The following MAN2C1 variants were observed in gnomAD, a reference collection of about 807,000 sequenced individuals.
MAN2C1 encodes the protein alpha-mannosidase 2C1.
MAN2C1 carries 111 observed loss-of-function variants against 126.9 expected under a neutral mutation model. The observed-to-expected ratio is 0.87, with a 90% confidence interval of 0.75 to 1.02. The LOEUF is 1.02. Among genes scored for constraint, MAN2C1 ranks in the 50% least tolerant of loss-of-function variants. The pLI, the probability that MAN2C1 is intolerant of heterozygous loss-of-function variation, is 0.00. For missense variants in MAN2C1, 1,363 were observed against 1,364.4 expected (o/e 1.00, Z 0.02); for synonymous variants, 567 against 561.5 (o/e 1.01, Z -0.14).
At position 75,356,383 on chromosome 15, in the gene MAN2C1, G is replaced by A; in HGVS notation, c.2804C>T (p.Pro935Leu). The change falls in exon 24 of 26, where the codon CCA becomes CTA. Residue 935 changes from proline to leucine, a missense_variant. Physicochemically the swap from Pro to Leu is moderately conservative, Grantham distance 98. Coordinates refer to ENST00000267978, the MANE Select transcript of MAN2C1 (RefSeq NM_006715.4). The surrounding 1 kb of genome is among the most constrained non-coding windows in gnomAD (Gnocchi z 5.8). Reference sequence around the variant, plus strand: ...GGTGGCGGGCGCTGGGCTGGGGGCTGGCAGAGCCAACAGGGGGAAGTTTAG... The same window carrying A: ...GGTGGCGGGCGCTGGGCTGGGGGCTAGCAGAGCCAACAGGGGGAAGTTTAG... Reference protein sequence around the residue: ...YSLNFPLLALPAPSPAPATSW... With the variant: ...YSLNFPLLALLAPSPAPATSW... 2 of 1,611,682 alleles carry A rather than the reference G, an allele frequency of 1.2e-6. No individual in the cohort carries two copies. The highest frequency in any genetic ancestry group is 1.7e-6 in the Non-Finnish European group (2 of 1,179,208).
chr15:75,359,648 C>A lies in MAN2C1; in HGVS notation c.1920G>T (p.Leu640=). 2 of 1,614,142 alleles carry A rather than the reference C, an allele frequency of 1.2e-6. No homozygotes were observed. The highest frequency in any genetic ancestry group is 1.7e-6 in the Non-Finnish European group (2 of 1,180,036). The part of the protein sequence containing the change: ...LPWKRIEVMA[L]PKPGGAHSLA... ...GGCTGTGGGCCCCGCCCGGTTTGGG[C>A]AGGGCCATCACTTCGATCCGCTTCC... The change falls in exon 16 of 26, where the codon CTG becomes CTT. Residue 640 remains leucine, a synonymous_variant. Coordinates refer to ENST00000267978, the MANE Select transcript of MAN2C1 (RefSeq NM_006715.4).
chr15:75,364,116 G>A lies in MAN2C1; in HGVS notation c.673C>T (p.Pro225Ser). 6.2e-7 allele frequency: 1 copy of A among 1,614,194 alleles called. No homozygotes were observed. The highest frequency in any genetic ancestry group is 1.1e-5 in the South Asian group (1 of 91,088). Residue 225 changes from proline (P) to serine (S), a missense_variant, in exon 6 of 26, where the codon CCT becomes TCT. Physicochemically the swap from Pro to Ser is moderately conservative, Grantham distance 74 (BLOSUM62 -1). Transcript: ENST00000267978. ...TANQMVNVCD[P>S]AQPETFPVAQ... Reference sequence around the variant, plus strand: ...ACTGGGAAGGTCTCGGGCTGGGCAGGGTCACACACGTTCACCATCTGATTG... The same window carrying A: ...ACTGGGAAGGTCTCGGGCTGGGCAGAGTCACACACGTTCACCATCTGATTG...
At position 75,356,455 on chromosome 15, in the gene MAN2C1, G is replaced by T. The variant is rs764165429; in HGVS notation, c.2738-6C>A. The T allele has an allele frequency of 1.3e-6, 2 of 1,592,010 alleles. No homozygotes were observed. Among genetic ancestry groups the T allele is most frequent in the African/African-American group, 2.7e-5 (2 of 74,690 alleles). ...GCCAGCATCCTGGAAAGAGCCTGGGGTACGACCAGGAAACAATGCTGGTGG... is the reference window on the plus strand; with the variant it reads ...GCCAGCATCCTGGAAAGAGCCTGGGTTACGACCAGGAAACAATGCTGGTGG... On this transcript the variant is annotated splice_region_variant and splice_polypyrimidine_tract_variant and intron_variant, in intron 23 of 25. Transcript: ENST00000267978. This position sits in a 1 kb window ranked among gnomAD's most constrained non-coding sequence, Gnocchi z 5.8.
rs2072508350 is a variant in MAN2C1, at chr15:75,363,125, G to A, written c.791-377C>T. 3 of 450,386 alleles carry A rather than the reference G, an allele frequency of 6.7e-6. No homozygotes were observed. The Admixed American group carries it at 7.3e-5, about 11-fold the overall frequency. The allele number at this position is 450,386 out of a possible 1,614,324, so 27.9% of individuals were successfully genotyped here. A position where few individuals can be genotyped will look rare whatever the true frequency, so the allele number is the denominator to read the frequency against. ...AGGCATGGCTCCCAGGATGGAGCCA[G>A]CTGTCCTACCAGAGGTGCTACAGCC... On this transcript the variant is annotated intron_variant, in intron 6 of 25. Coordinates refer to ENST00000267978, the MANE Select transcript of MAN2C1 (RefSeq NM_006715.4).
At position 75,356,488 on chromosome 15, in the gene MAN2C1, G is replaced by T; in HGVS notation, c.2738-39C>A. 1 of 1,573,452 alleles carries T rather than the reference G, an allele frequency of 6.4e-7. No individual in the cohort carries two copies. The highest frequency in any genetic ancestry group is 2.3e-5 in the East Asian group (1 of 43,960). On this transcript the variant is annotated intron_variant, in intron 23 of 25. Coordinates refer to ENST00000267978, the MANE Select transcript of MAN2C1 (RefSeq NM_006715.4). This position sits in a 1 kb window ranked among gnomAD's most constrained non-coding sequence, Gnocchi z 5.8. ...AGGAAACAATGCTGGTGGAGAATGG[G>T]GGCTACCCTCCCCTGTCCCTAGAAG...
In MAN2C1 at chr15:75,356,086, C is replaced by T. The variant is rs747642374; in HGVS notation, c.2996+24G>A. On this transcript the variant is annotated intron_variant, in intron 25 of 25. Coordinates refer to ENST00000267978, the MANE Select transcript of MAN2C1 (RefSeq NM_006715.4). The surrounding 1 kb of genome is among the most constrained non-coding windows in gnomAD (Gnocchi z 5.8). ...CTGCGAGGGCGAGACTCGACCCCCGCCCCAATCCCACACCGCCACTCACAG... is the reference window on the plus strand; with the variant it reads ...CTGCGAGGGCGAGACTCGACCCCCGTCCCAATCCCACACCGCCACTCACAG... 8.7e-6 allele frequency: 14 copies of T among 1,613,478 alleles called. 1 individual carries two copies. Among genetic ancestry groups the T allele is most frequent in the Admixed American group, 1.7e-5 (1 of 60,000 alleles).
intron 6 of MAN2C1, chr15:75,363,324 G>A: frequency 2.2e-6 from 1 of 456,050 alleles, no homozygotes; most frequent in South Asian, 1.5e-5. Flanking sequence ...GTAAAACTCA[G>A]ACACTGCAAA....
rs750020618 is a variant in MAN2C1 at position 75,362,629 on chromosome 15, C to T, written c.897+13G>A. The T allele has an allele frequency of 2.9e-5, 46 of 1,613,004 alleles. No homozygotes were observed. The highest frequency in any genetic ancestry group is 3.7e-5 in the Non-Finnish European group (44 of 1,179,288). On this transcript the variant is annotated intron_variant, in intron 7 of 25. Transcript: ENST00000267978. The surrounding 1 kb of genome is among the most constrained non-coding windows in gnomAD (Gnocchi z 4.5). ...CACGTGCTTCCCTCCTCCCTCACAG[C>T]TGTCCCTCTGACCTGGGAGCAGGCA...
intron 4 of MAN2C1, among the ~76,000 whole-genome samples, chr15:75,365,360 T>C (rs2072553547): frequency 6.6e-6 from 1 of 152,164 alleles, no homozygotes; most frequent in African/African-American, 2.4e-5. Flanking sequence ...GTGTTTTTAA[T>C]GGTGTCATAA....
rs754945853 is a variant in MAN2C1, at chr15:75,360,116, T to C, written c.1680A>G (p.Pro560=). ...ALARSAQFLY[P]AAQLQHLWRL... is the part of the protein sequence containing the mutation. ...TCCAGAGGTGCTGCAGCTGGGCTGCTGGGTATAGGAACTGGGCACTGCGGG... is the reference window on the plus strand; with the variant it reads ...TCCAGAGGTGCTGCAGCTGGGCTGCCGGGTATAGGAACTGGGCACTGCGGG... The change falls in exon 14 of 26, where the codon CCA becomes CCG. Residue 560 remains proline (P), a synonymous_variant. Transcript: ENST00000267978. The C allele has an allele frequency of 3.1e-6, 5 of 1,613,874 alleles. No homozygotes were observed. The African/African-American group carries it at 6.7e-5, about 22-fold the overall frequency.
intron 21 of MAN2C1, among the ~76,000 whole-genome samples, chr15:75,357,549 C>T (rs966126258): frequency 2.6e-5 from 4 of 151,938 alleles, no homozygotes; most frequent in South Asian, 2.1e-4. Flanking sequence ...CCTCGTGATC[C>T]GCCCACCTCG....
chr15:75,366,471 A>G (rs974080343), intron 4 of MAN2C1, 51 bp downstream of exon 4: 2 of 1,534,274 alleles, frequency 1.3e-6, no homozygotes, highest in Non-Finnish European at 1.8e-6. Context: ...CTCCTTGCTC[A>G]CTGGTACTCC....
intron 4 of MAN2C1, among the ~76,000 whole-genome samples, chr15:75,365,248 C>T (rs1369113317): frequency 1.3e-5 from 2 of 152,172 alleles, no homozygotes; most frequent in African/African-American, 2.4e-5. Flanking sequence ...ATCTGTCTCC[C>T]TTTGTTGGCA....
rs769664256 is a variant in MAN2C1 at position 75,358,442 on chromosome 15, A to AC, written c.2403+19dup. The AC allele has an allele frequency of 6.2e-7, 1 of 1,612,752 alleles. No homozygotes were observed. Reference sequence around the variant, plus strand: ...CCAAGCACACTTGGGGAAAACAGCCACCCCCTACCCCCCGACTACCTCGGT... The same window carrying AC: ...CCAAGCACACTTGGGGAAAACAGCCACCCCCCTACCCCCCGACTACCTCGGT... On this transcript the variant is annotated intron_variant, in intron 20 of 25. Transcript: ENST00000267978.
rs1428881397 is a variant in MAN2C1 at position 75,362,979 on chromosome 15, G to A, written c.791-231C>T. On this transcript the variant is annotated intron_variant, in intron 6 of 25. Coordinates refer to ENST00000267978, the MANE Select transcript of MAN2C1 (RefSeq NM_006715.4). The surrounding 1 kb of genome is among the most constrained non-coding windows in gnomAD (Gnocchi z 4.5). ...CCAATTATACAGGTCAGGAAATGGAGGCTCCAGGCCCCAGAATAGCCTCAG... is the reference window on the plus strand; with the variant it reads ...CCAATTATACAGGTCAGGAAATGGAAGCTCCAGGCCCCAGAATAGCCTCAG... The A allele has an allele frequency of 9.4e-6, 5 of 532,124 alleles. No individual in the cohort carries two copies. The highest frequency in any genetic ancestry group is 1.9e-5 in the African/African-American group (1 of 52,140). 33.0% of individuals were successfully genotyped at this position (532,124 alleles called of 1,614,324 possible).
rs1270870779 is a variant in MAN2C1 at position 75,358,384 on chromosome 15, G to C, written c.2404-40C>G. The C allele has an allele frequency of 3.1e-6, 5 of 1,613,670 alleles. No individual in the cohort carries two copies. In the African/African-American group the frequency reaches 5.3e-5, roughly 17 times the overall value. On this transcript the variant is annotated intron_variant, in intron 20 of 25. Coordinates refer to ENST00000267978, the MANE Select transcript of MAN2C1 (RefSeq NM_006715.4). ...GAGGGTGGGAGTCAGGGAAGGAAGA[G>C]ACACACCAAGGCCTGGGGCTGGCCC... is the stretch of plus-strand genomic sequence containing the variant.
In MAN2C1 at chr15:75,356,309, C is replaced by A. The variant is rs3803466; in HGVS notation, c.2878G>T (p.Val960Phe). Residue 960 changes from valine to phenylalanine, a missense_variant, in exon 24 of 26, where the codon GTC (valine) becomes TTC (phenylalanine). Physicochemically the swap from Val to Phe is conservative, Grantham distance 50. Coordinates refer to ENST00000267978, the MANE Select transcript of MAN2C1 (RefSeq NM_006715.4). The surrounding 1 kb of genome is among the most constrained non-coding windows in gnomAD (Gnocchi z 5.8). ...CACGTCCCACCCCTTGCCTGCTTGA[C>A]GGTCTCCAATACGACCGCGGGTGAA... The part of the protein sequence containing the change: ...VSSPAVVLET[V>F]KQAESSPQRR... The A allele has an allele frequency of 1.4e-5, 23 of 1,611,958 alleles. No individual in the cohort carries two copies. The highest frequency in any genetic ancestry group is 2.0e-5 in the Non-Finnish European group (23 of 1,179,290).
chr15:75,367,777 G>T, intron 2 of MAN2C1, 143 bp from the exon 3 acceptor site: 1 of 1,094,218 alleles, frequency 9.1e-7, no homozygotes, highest in Non-Finnish European at 1.3e-6. Flanking sequence ...CAAGAAAGGA[G>T]CAACAAGGTG....
intron 13 of MAN2C1, 49 bp from the exon 14 acceptor site, chr15:75,360,260 G>A (rs2072440040): frequency 6.3e-7 from 1 of 1,595,192 alleles, no homozygotes; most frequent in African/African-American, 1.3e-5. Context: ...AGCTGTCCCA[G>A]GACACCTTCC....
Sources: gnomAD v4.1 joint callset for allele counts (sites outside exome capture counted in the v4.1 genomes callset) on GRCh38, gnomAD v4.1.1 for gene constraint, Gnocchi (gnomAD v3.1) non-coding constraint, MANE v1.5 for transcripts, NCBI Gene and HGNC (gene_info 2026-07-23, HGNC 2026-07-21) for gene names.